The following TNS1 variants were observed in gnomAD, a reference collection of about 807,000 sequenced individuals.
The protein encoded by TNS1 is tensin-1.
A neutral mutation model predicts 168.6 loss-of-function variants in TNS1; 62 were observed. The observed-to-expected ratio is 0.37, with a 90% CI of 0.30 to 0.45. TNS1 has a LOEUF of 0.45. Ranked by LOEUF, TNS1 falls within the 20% of genes least tolerant of loss-of-function variation. The pLI is 1.00. For missense variants in TNS1, 2,240 were observed against 2,339.4 expected, an observed-to-expected ratio of 0.96 and a Z score of 0.88; for synonymous variants, 934 against 933.2, an observed-to-expected ratio of 1.00 and a Z score of -0.02.
intron 27 of TNS1, among the ~76,000 whole-genome samples, chr2:217,812,973 T>C (rs933480892): frequency 6.6e-6 from 1 of 152,230 alleles, no homozygotes; most frequent in African/African-American, 2.4e-5. Flanking sequence ...TTACCATTGT[T>C]ACTCCAGTTA....
intron 3 of TNS1, among the ~76,000 whole-genome samples, chr2:217,974,839 C>A (rs1957855049): frequency 6.6e-6 from 1 of 152,150 alleles, no homozygotes; most frequent in Non-Finnish European, 1.5e-5. Flanking sequence ...TCCTAGCTGC[C>A]AGGTCAGCAT....
At chr2:217,806,035 C>A (rs536314701) in intron 32 of TNS1, among the ~76,000 whole-genome samples, 29 of 152,310 alleles carry the variant, frequency 1.9e-4, no homozygotes, top group Middle Eastern at 3.4e-3. Flanking sequence ...CATCCCCCAG[C>A]ACCTCCCTTT....
intron 3 of TNS1, among the ~76,000 whole-genome samples, chr2:217,956,846 T>C (rs1349047234): frequency 2.6e-5 from 4 of 152,114 alleles, no homozygotes; most frequent in African/African-American, 9.7e-5. Flanking sequence ...CCCCATGGCC[T>C]CAGTTTCCTG....
At chr2:217,949,097 G>C (rs1449715939) in intron 3 of TNS1, among the ~76,000 whole-genome samples, 1 of 152,164 alleles carries the variant, frequency 6.6e-6, no homozygotes, top group African/African-American at 2.4e-5. Flanking sequence ...TCAGCACCAA[G>C]AGCCTCAGAC....
Position 217,948,041 on chromosome 2 carries a change from C to T in TNS1, c.187-27805G>A, listed in dbSNP as rs1957155312. ...TAGAATTTCAATGCAGCTCTTCCAA[C>T]TCAAGCCCATGTCACCAGGTAACAC... On this transcript the variant is annotated intron_variant, in intron 3 of 32. Transcript: ENST00000682258. The surrounding 1 kb of genome is among the most constrained non-coding windows in gnomAD (Gnocchi z 4.1). 6.6e-6 allele frequency among the ~76,000 whole-genome samples: 1 copy of T among 152,196 alleles called. No individual in the cohort carries two copies. Among genetic ancestry groups the T allele is most frequent in the African/African-American group, 2.4e-5 (1 of 41,438 alleles).
chr2:217,806,550 G>A lies in TNS1; in HGVS notation c.5375+1525C>T, dbSNP rs189888145. ...GTCCCTGACCTTCTTCCCTCGCAGG[G>A]CCCTGTGGTGAGTGAGCACAAGCCC... On this transcript the variant is annotated intron_variant, in intron 32 of 32. Transcript: ENST00000682258. Among the ~76,000 whole-genome samples, 653 of 152,252 alleles carry A rather than the reference G, an allele frequency of 4.3e-3. 12 individuals are homozygous for A. The highest frequency in any genetic ancestry group is 0.014 in the African/African-American group (600 of 41,542).
intron 2 of TNS1, 78 bp from the exon 3 acceptor site, chr2:217,978,880 C>A: frequency 1.4e-6 from 1 of 698,866 alleles, no homozygotes; most frequent in South Asian, 1.5e-5. Flanking sequence ...CTCCTCCCAC[C>A]CCAGCCCGCA....
At chr2:217,861,115 G>A (rs1948739599) in intron 18 of TNS1, among the ~76,000 whole-genome samples, 1 of 152,172 alleles carries the variant, frequency 6.6e-6, no homozygotes, top group Non-Finnish European at 1.5e-5. Context: ...CAGGTACAGG[G>A]ATTTTACTGT....
chr2:217,955,647 G>A (rs978189766), intron 3 of TNS1, among the ~76,000 whole-genome samples: 1 of 152,194 alleles, frequency 6.6e-6, no homozygotes, highest in Non-Finnish European at 1.5e-5. Context: ...CTAAGCAGTG[G>A]GAGGCGGTCA....
chr2:217,908,429 T>C (rs1346280546), intron 4 of TNS1, among the ~76,000 whole-genome samples: 1 of 152,174 alleles, frequency 6.6e-6, no homozygotes, highest in African/African-American at 2.4e-5. Flanking sequence ...GGAATGGTTG[T>C]GAAGCAAACC....
At chr2:217,810,118 C>A in intron 29 of TNS1, 127 bp from the exon 30 acceptor site, 3 of 1,434,286 alleles carry the variant, frequency 2.1e-6, no homozygotes, top group Non-Finnish European at 2.9e-6. Context: ...GGCATCTGCA[C>A]ATAGAAATGT....
intron 28 of TNS1, among the ~76,000 whole-genome samples, chr2:217,811,005 C>T (rs865924606): frequency 1.3e-5 from 2 of 152,000 alleles, no homozygotes; most frequent in Non-Finnish European, 2.9e-5. Flanking sequence ...TAGCCTCCAG[C>T]GTAGCTGGGA....
rs946013290 is a variant in TNS1 at position 217,989,832 on chromosome 2, C to T, written c.148+1110G>A. Among the ~76,000 whole-genome samples, 18 of 152,146 alleles carry T rather than the reference C, an allele frequency of 1.2e-4. 1 individual carries two copies. The highest frequency in any genetic ancestry group is 3.9e-4 in the Admixed American group (6 of 15,294). On this transcript the variant is annotated intron_variant, in intron 2 of 32. Transcript: ENST00000682258. ...ACACCAACCACATCCCATCCACATG[C>T]CTCAAAACACATCAGCCATGTGACC... is the stretch of plus-strand genomic sequence containing the variant.
At chr2:217,980,347 C>G (rs558995206) in intron 2 of TNS1, among the ~76,000 whole-genome samples, 5 of 152,100 alleles carry the variant, frequency 3.3e-5, no homozygotes, top group Admixed American at 6.5e-5. Flanking sequence ...ACCACCAGCC[C>G]GGGTAGCAAC....
At chr2:217,910,049 C>A (rs1293753968) in intron 4 of TNS1, among the ~76,000 whole-genome samples, 3 of 152,208 alleles carry the variant, frequency 2.0e-5, no homozygotes, top group Non-Finnish European at 2.9e-5. Flanking sequence ...GAGGCCCAGG[C>A]CCTCTCCAGC....
At chr2:217,853,131 A>G (rs989592910) in intron 18 of TNS1, among the ~76,000 whole-genome samples, 2 of 152,064 alleles carry the variant, frequency 1.3e-5, no homozygotes, top group Non-Finnish European at 1.5e-5. Flanking sequence ...GCCACATTAG[A>G]GCTTTTTACC....
chr2:217,800,706 G>A lies in TNS1; in HGVS notation c.*3753C>T, dbSNP rs930688928. ...ACCCCGAGTGTGGGGGCAGGATTGGGTGTCTGCCTTGACTCACAGGATCTC... is the reference window on the plus strand; with the variant it reads ...ACCCCGAGTGTGGGGGCAGGATTGGATGTCTGCCTTGACTCACAGGATCTC... On this transcript the variant is annotated 3_prime_UTR_variant, in exon 33 of 33. Transcript: ENST00000682258. The A allele has an allele frequency of 5.9e-5, 9 of 152,164 alleles. No homozygotes were observed. Among genetic ancestry groups the A allele is most frequent in the Non-Finnish European group, 2.9e-5 (2 of 68,056 alleles). The allele number at this position is 152,164 out of a possible 1,614,324, so 9.4% of individuals were successfully genotyped here. A position where few individuals can be genotyped will look rare whatever the true frequency, so the allele number is the denominator to read the frequency against.
At chr2:217,978,917 AGGAGGGACGGAGGGAAGGAGAGAG>A (rs991753632) in intron 2 of TNS1, 115 bp from the exon 3 acceptor site, 2 of 674,810 alleles carry the variant, frequency 3.0e-6, no homozygotes, top group Admixed American at 2.0e-5. Context: ...GAAGGAGGGA[AGGAGGGACGGAGGGAAGGAGAGAG>A]GGAGAGAGGG....
intron 8 of TNS1, 36 bp downstream of exon 8, chr2:217,897,762 G>T: frequency 6.5e-7 from 1 of 1,531,694 alleles, no homozygotes; most frequent in Non-Finnish European, 8.8e-7. Context: ...GAAGCATAGA[G>T]GGCACAGGAC....
Sources: gnomAD v4.1 joint callset for allele counts (sites outside exome capture counted in the v4.1 genomes callset) on GRCh38, gnomAD v4.1.1 for gene constraint, Gnocchi (gnomAD v3.1) non-coding constraint, MANE v1.5 for transcripts, NCBI Gene and HGNC (gene_info 2026-07-23, HGNC 2026-07-21) for gene names.